Variants in C2orf66 observed in about 807,000 individuals in gnomAD.
C2orf66 encodes the protein uncharacterized protein C2orf66.
In C2orf66, 6 loss-of-function variants were observed where a neutral mutation model predicts 7.0. The observed-to-expected ratio is 0.86, with a 90% CI of 0.47 to 1.69. The LOEUF (loss-of-function observed/expected upper bound fraction) is 1.69, where lower values mean the gene tolerates loss of function less well. Among genes scored for constraint, C2orf66 ranks in the 40% most tolerant of loss-of-function variants. C2orf66 has a pLI of 0.01. For missense variants in C2orf66, 107 were observed against 112.0 expected, an observed-to-expected ratio of 0.96 and a Z score of 0.20; for synonymous variants, 38 against 43.8, an observed-to-expected ratio of 0.87 and a Z score of 0.52.
chr2:196,807,365 T>G lies in C2orf66; in HGVS notation c.*19+59A>C, dbSNP rs892492289. ...TTTTCAAATAAATACTTTCAAAATA[T>G]CTACTTTATGGCTGACTTGTATGTT... On this transcript the variant is annotated intron_variant, in intron 2 of 2. Transcript: ENST00000342506. The G allele has an allele frequency of 1.6e-5, 16 of 973,536 alleles. No homozygotes were observed. The Admixed American group carries it at 1.7e-4, about 11-fold the overall frequency. 60.3% of individuals were successfully genotyped at this position (973,536 alleles called of 1,614,324 possible).
chr2:196,823,413 A>C, the C2orf66 span, among the ~76,000 whole-genome samples: 191 of 152,228 alleles, frequency 1.3e-3, no homozygotes, highest in Non-Finnish European at 2.1e-3. Flanking sequence ...ACTTGAGCTC[A>C]GGAGTTCAAG....
At chr2:196,829,859 T>C in the C2orf66 span, among the ~76,000 whole-genome samples, 1,148 of 151,428 alleles carry the variant, frequency 7.6e-3, 20 homozygotes, top group African/African-American at 0.027. Flanking sequence ...ATCACGCCAC[T>C]GCACTCCAGC....
intron 2 of C2orf66, among the ~76,000 whole-genome samples, chr2:196,805,784 T>C (rs1455177529): frequency 6.6e-6 from 1 of 152,198 alleles, no homozygotes; most frequent in African/African-American, 2.4e-5. Context: ...TTACAAGCAA[T>C]TTATCTGCCT....
chr2:196,806,398 C>T (rs1001593636), intron 2 of C2orf66, among the ~76,000 whole-genome samples: 9 of 151,868 alleles, frequency 5.9e-5, no homozygotes, highest in South Asian at 2.1e-4. Flanking sequence ...GGGGTTTCAC[C>T]GTGTTAGCCA....
At chr2:196,827,593 G>C in the C2orf66 span, among the ~76,000 whole-genome samples, 3 of 152,142 alleles carry the variant, frequency 2.0e-5, no homozygotes, top group Non-Finnish European at 4.4e-5. Context: ...GAATCATAAA[G>C]TTTCTTCTTC....
At chr2:196,807,366 C>A in intron 2 of C2orf66, 58 bp downstream of exon 2, 1 of 976,520 alleles carries the variant, frequency 1.0e-6, no homozygotes, top group South Asian at 1.6e-5. Flanking sequence ...TTCAAAATAT[C>A]TACTTTATGG....
chr2:196,828,512 A>AAT, the C2orf66 span, among the ~76,000 whole-genome samples: 1 of 152,166 alleles, frequency 6.6e-6, no homozygotes, highest in Non-Finnish European at 1.5e-5. Context: ...TACCTTGTAT[A>AAT]ATCCCCTCCT....
At chr2:196,817,981 A>G in the C2orf66 span, among the ~76,000 whole-genome samples, 1 of 152,136 alleles carries the variant, frequency 6.6e-6, no homozygotes, top group Admixed American at 6.5e-5. Context: ...TTTTACAGTC[A>G]ATTTGTACAG....
At chr2:196,812,077 A>C (rs1699881982), upstream of C2orf66, among the ~76,000 whole-genome samples, 1 of 152,190 alleles carries the variant, frequency 6.6e-6, no homozygotes, top group Non-Finnish European at 1.5e-5. Flanking sequence ...AAAAGAAAGA[A>C]GGTAGTTACT....
At chr2:196,816,833 C>G in the C2orf66 span, among the ~76,000 whole-genome samples, 96 of 152,274 alleles carry the variant, frequency 6.3e-4, 1 homozygote, top group Admixed American at 6.2e-3. Context: ...ATTGGGGGAA[C>G]CCACCCCCAT....
chr2:196,823,939 C>A, the C2orf66 span, among the ~76,000 whole-genome samples: 19 of 152,214 alleles, frequency 1.2e-4, no homozygotes, highest in Middle Eastern at 3.4e-3. Context: ...GGAAGCAAAT[C>A]TGTCTGACTT....
chr2:196,828,226 T>TCACA, the C2orf66 span, among the ~76,000 whole-genome samples: 11 of 132,768 alleles, frequency 8.3e-5, no homozygotes, highest in African/African-American at 3.2e-4. Context: ...TCTCTCTCTC[T>TCACA]CTCTCACACA....
the C2orf66 span, among the ~76,000 whole-genome samples, chr2:196,830,364 G>A: frequency 6.6e-6 from 1 of 152,186 alleles, no homozygotes; most frequent in Non-Finnish European, 1.5e-5. Context: ...GGCGCTCAGT[G>A]TGAGAAACAT....
Position 196,807,455 on chromosome 2 carries a change from A to T in C2orf66, c.291T>A (p.Tyr97Ter). 6.2e-7 allele frequency: 1 copy of T among 1,608,340 alleles called. No homozygotes were observed. The highest frequency in any genetic ancestry group is 8.5e-7 in the Non-Finnish European group (1 of 1,178,612). Residue 97 changes from tyrosine (Y) to a stop codon, truncating the protein, a stop_gained, in exon 2 of 3, where the codon TAT (tyrosine) becomes TAA (stop). Coordinates refer to ENST00000342506, the MANE Select transcript of C2orf66 (RefSeq NM_213608.3). LOFTEE classifies it high-confidence loss of function. ...TCAGAAGAAACTTTCAGCCTTTGAG[A>T]TAATTGTGAAAGGAGTTTTTCTGCT... ...YEEQKNSFHN[Y>*]LKG
At chr2:196,824,262 G>A in the C2orf66 span, among the ~76,000 whole-genome samples, 2 of 148,660 alleles carry the variant, frequency 1.3e-5, no homozygotes, top group Admixed American at 1.3e-4. Context: ...CTTTGTAAGG[G>A]TTTTTTTTTT....
At chr2:196,825,712 A>G in the C2orf66 span, among the ~76,000 whole-genome samples, 1 of 152,216 alleles carries the variant, frequency 6.6e-6, no homozygotes, top group Non-Finnish European at 1.5e-5. Flanking sequence ...GGGATGTAGG[A>G]GGAAGACATA....
chr2:196,805,567 C>A (rs1265358547), intron 2 of C2orf66, among the ~76,000 whole-genome samples, 159 bp from the exon 3 acceptor site: 1 of 152,062 alleles, frequency 6.6e-6, no homozygotes, highest in Non-Finnish European at 1.5e-5. Context: ...GAAATATACT[C>A]CAAATCAGAA....
intron 1 of C2orf66, 65 bp downstream of exon 1, chr2:196,809,149 T>G: frequency 2.7e-6 from 4 of 1,471,236 alleles, no homozygotes; most frequent in Non-Finnish European, 3.7e-6. Context: ...AACAGAATGC[T>G]GTGTGCGTAA....
At chr2:196,823,818 T>C in the C2orf66 span, among the ~76,000 whole-genome samples, 2 of 152,150 alleles carry the variant, frequency 1.3e-5, no homozygotes, top group African/African-American at 4.8e-5. Context: ...TTAATCCTCA[T>C]CCAAATTTTG....
Sources: allele counts gnomAD v4.1 joint callset (sites outside exome capture counted in the v4.1 genomes callset), GRCh38; gene constraint gnomAD v4.1.1; transcripts MANE v1.5; gene names NCBI Gene and HGNC (gene_info 2026-07-23, HGNC 2026-07-21).